Variants in TCF12 observed in about 807,000 individuals in gnomAD.
TCF12 encodes the protein transcription factor 12.
A neutral mutation model predicts 86.0 loss-of-function variants in TCF12; 45 were observed. That is an observed-to-expected ratio of 0.52 (90% CI 0.41 to 0.67). The LOEUF (loss-of-function observed/expected upper bound fraction) is 0.67, where lower values mean the gene tolerates loss of function less well. Among genes scored for constraint, TCF12 ranks in the 30% least tolerant of loss-of-function variants. The probability of loss-of-function intolerance (pLI) is 0.00; values close to 1 mark genes in which losing one functional copy is unlikely to be tolerated. For missense variants in TCF12, 881 were observed against 859.9 expected (o/e 1.02, Z -0.31); for synonymous variants, 330 against 299.6 (o/e 1.10, Z -1.05).
intron 3 of TCF12, among the ~76,000 whole-genome samples, chr15:57,018,870 C>T (rs547106597): frequency 6.6e-6 from 1 of 152,260 alleles, no homozygotes; most frequent in South Asian, 2.1e-4. Context: ...TGATGAGCCA[C>T]GCTAACTACT....
At chr15:56,940,577 TCTC>T (rs1247019749) in intron 3 of TCF12, among the ~76,000 whole-genome samples, 7 of 148,572 alleles carry the variant, frequency 4.7e-5, no homozygotes, top group African/African-American at 1.5e-4. Flanking sequence ...TTCTTCTTCT[TCTC>T]CTTCTCCTCC....
chr15:56,920,458 A>G (rs2059734716), intron 2 of TCF12, among the ~76,000 whole-genome samples: 1 of 149,454 alleles, frequency 6.7e-6, no homozygotes, highest in African/African-American at 2.5e-5. Flanking sequence ...CTTCTGAAAC[A>G]GAGTACTTTT....
At chr15:57,173,115 GA>G (rs1397087152) in intron 6 of TCF12, among the ~76,000 whole-genome samples, 2 of 152,018 alleles carry the variant, frequency 1.3e-5, no homozygotes, top group Admixed American at 6.6e-5. Flanking sequence ...AAGATATCTA[GA>G]AAAACACCAG....
At chr15:57,176,142 G>T (rs1351459597) in intron 6 of TCF12, among the ~76,000 whole-genome samples, 1 of 152,178 alleles carries the variant, frequency 6.6e-6, no homozygotes, top group Non-Finnish European at 1.5e-5. Flanking sequence ...AGGTTACAGT[G>T]AGCTATAATC....
intron 3 of TCF12, among the ~76,000 whole-genome samples, chr15:56,970,435 AC>A (rs1321524781): frequency 7.4e-6 from 1 of 135,464 alleles, no homozygotes; most frequent in East Asian, 2.3e-4. Context: ...AGCCGAGACC[AC>A]GCCACTGCAC....
At chr15:57,140,005 C>CA (rs1482755872) in intron 5 of TCF12, among the ~76,000 whole-genome samples, 2 of 152,092 alleles carry the variant, frequency 1.3e-5, no homozygotes, top group Non-Finnish European at 2.9e-5. Flanking sequence ...GTTTATTCCT[C>CA]AAAAAATCAA....
chr15:57,067,440 T>A (rs1316406985), intron 4 of TCF12, among the ~76,000 whole-genome samples: 1 of 138,166 alleles, frequency 7.2e-6, no homozygotes, highest in Non-Finnish European at 1.5e-5. Context: ...CTTGGGAGGC[T>A]GAGGCAGGAG....
intron 5 of TCF12, among the ~76,000 whole-genome samples, chr15:57,102,566 C>G (rs1384086810): frequency 6.6e-6 from 1 of 151,400 alleles, no homozygotes; most frequent in Non-Finnish European, 1.5e-5. Context: ...TGACTGCACT[C>G]CAGCTTGGGT....
At chr15:57,020,726 A>G (rs1260359011) in intron 3 of TCF12, among the ~76,000 whole-genome samples, 1 of 152,186 alleles carries the variant, frequency 6.6e-6, no homozygotes, top group African/African-American at 2.4e-5. Context: ...TTAGGTAAGC[A>G]TGTTATTTCA....
In TCF12 at chr15:57,159,987, A is replaced by T. The variant is rs189195760; in HGVS notation, c.326-6415A>T. ...CTGAGCAGGCTTTATATGCCATAAT[A>T]TCATTATCTCTGTCTGTTTCCTCAT... On this transcript the variant is annotated intron_variant, in intron 5 of 20. Transcript: ENST00000333725. Among the ~76,000 whole-genome samples, 180 of 151,500 alleles carry T rather than the reference A, an allele frequency of 1.2e-3. 1 individual carries two copies. Among genetic ancestry groups the T allele is most frequent in the African/African-American group, 4.2e-3 (170 of 40,764 alleles).
intron 5 of TCF12, among the ~76,000 whole-genome samples, chr15:57,103,797 G>C (rs1192760596): frequency 1.3e-5 from 2 of 152,126 alleles, no homozygotes; most frequent in Non-Finnish European, 2.9e-5. Flanking sequence ...TTGAGGTCAG[G>C]AGTTCGAGAC....
At chr15:57,089,592 T>G (rs1172021004) in intron 4 of TCF12, among the ~76,000 whole-genome samples, 6 of 152,114 alleles carry the variant, frequency 3.9e-5, no homozygotes, top group Non-Finnish European at 5.9e-5. Context: ...TAGTTTTTTT[T>G]TTTTTTTTTT....
intron 8 of TCF12, among the ~76,000 whole-genome samples, chr15:57,213,322 A>G (rs2058194078): frequency 6.6e-6 from 1 of 152,210 alleles, no homozygotes; most frequent in Non-Finnish European, 1.5e-5. Flanking sequence ...CAAGATCTGT[A>G]TGATTTCTTC....
At chr15:57,242,266 A>G (rs1466266177) in intron 12 of TCF12, among the ~76,000 whole-genome samples, 5 of 152,186 alleles carry the variant, frequency 3.3e-5, no homozygotes, top group African/African-American at 9.7e-5. Context: ...TTATCCATAT[A>G]AGTTGGTTTG....
At chr15:57,189,113 C>G (rs2151693822) in intron 6 of TCF12, among the ~76,000 whole-genome samples, 1 of 152,248 alleles carries the variant, frequency 6.6e-6, no homozygotes, top group Admixed American at 6.5e-5. Context: ...CAAAATGGAT[C>G]AAGGACCTGA....
At chr15:57,255,063 G>T (rs2152028051) in intron 16 of TCF12, among the ~76,000 whole-genome samples, 1 of 152,190 alleles carries the variant, frequency 6.6e-6, no homozygotes, top group Non-Finnish European at 1.5e-5. Context: ...TGAATTTTAA[G>T]TTAGTCTCAG....
chr15:57,166,634 A>G (rs373404737), intron 6 of TCF12, among the ~76,000 whole-genome samples, 168 bp downstream of exon 6: 3 of 152,304 alleles, frequency 2.0e-5, no homozygotes. Flanking sequence ...TCAGTTCCCC[A>G]GTTTACCAGG....
rs777290901 is a variant in TCF12 at position 56,919,944 on chromosome 15, A to G, written c.31A>G (p.Ile11Val). MNPQQQRMAAIGTDKELSDLL... is the reference protein window; with the variant it reads MNPQQQRMAAVGTDKELSDLL... Reference sequence around the variant, plus strand: ...TCCCCAGCAACAACGCATGGCCGCTATAGGGACCGACAAGGAGCTGAGCGA... The same window carrying G: ...TCCCCAGCAACAACGCATGGCCGCTGTAGGGACCGACAAGGAGCTGAGCGA... The change falls in exon 2 of 21, where the codon ATA becomes GTA. Residue 11 changes from isoleucine (I) to valine (V), a missense_variant. By Grantham distance (29) the Ile-to-Val change is conservative (BLOSUM62 3). This residue lies in a region of TCF12 where 766 missense variants were observed against 718.9 expected (regional missense o/e 1.07). Coordinates refer to ENST00000333725, the MANE Select transcript of TCF12 (RefSeq NM_207037.2). The G allele has an allele frequency of 1.1e-5, 18 of 1,613,872 alleles. No individual in the cohort carries two copies. Among genetic ancestry groups the G allele is most frequent in the East Asian group, 1.1e-4 (5 of 44,886 alleles).
At chr15:57,224,286 T>C (rs1433936269) in intron 8 of TCF12, among the ~76,000 whole-genome samples, 1 of 152,080 alleles carries the variant, frequency 6.6e-6, no homozygotes, top group African/African-American at 2.4e-5. Context: ...CAGTATATTA[T>C]CCTAGCAAAC....
Sources: allele counts gnomAD v4.1 joint callset (sites outside exome capture counted in the v4.1 genomes callset), GRCh38; gene constraint gnomAD v4.1.1; regional missense constraint gnomAD v4.1.1; transcripts MANE v1.5; gene names NCBI Gene and HGNC (gene_info 2026-07-23, HGNC 2026-07-21).